Variants in PDE10A observed in about 807,000 individuals in gnomAD.
The protein encoded by PDE10A is phosphodiesterase 10A, also known as cAMP and cAMP-inhibited cGMP 3',5'-cyclic phosphodiesterase 10A.
In PDE10A, 39 loss-of-function variants were observed where a neutral mutation model predicts 97.7. The ratio of observed to expected loss-of-function variants is 0.40; its 90% CI spans 0.31 to 0.52. PDE10A has a LOEUF of 0.52. Among genes scored for constraint, PDE10A ranks in the 20% least tolerant of loss-of-function variants. The pLI is 0.56. For missense variants in PDE10A, 731 were observed against 1,047.8 expected, an observed-to-expected ratio of 0.70 and a Z score of 4.17; for synonymous variants, 371 against 376.8, an observed-to-expected ratio of 0.98 and a Z score of 0.18.
At chr6:165,725,556 A>G (rs992651681) in intron 1 of PDE10A, among the ~76,000 whole-genome samples, 1 of 152,216 alleles carries the variant, frequency 6.6e-6, no homozygotes, top group Non-Finnish European at 1.5e-5. Flanking sequence ...TGCTTTAGCC[A>G]TCGGTTCCTG....
intron 1 of PDE10A, among the ~76,000 whole-genome samples, chr6:165,870,228 G>A (rs965511753): frequency 2.0e-5 from 3 of 152,046 alleles, no homozygotes; most frequent in Non-Finnish European, 4.4e-5. Context: ...TCCAGAATAT[G>A]TAAGGAACTC....
At chr6:165,879,761 C>T (rs1781428484) in intron 1 of PDE10A, among the ~76,000 whole-genome samples, 2 of 152,090 alleles carry the variant, frequency 1.3e-5, no homozygotes, top group Non-Finnish European at 2.9e-5. Flanking sequence ...TTATATTTAC[C>T]GTTTTATTTA....
chr6:165,757,378 G>GT (rs555386659), intron 1 of PDE10A, among the ~76,000 whole-genome samples: 91 of 150,946 alleles, frequency 6.0e-4, no homozygotes, highest in African/African-American at 1.3e-3. Context: ...ATGAACACTG[G>GT]TTTTTTTTTA....
chr6:165,559,799 T>A (rs987224039), intron 1 of PDE10A, among the ~76,000 whole-genome samples: 1 of 152,204 alleles, frequency 6.6e-6, no homozygotes, highest in Non-Finnish European at 1.5e-5. Flanking sequence ...CTCGTGGTAG[T>A]GACTATGTCT....
chr6:165,885,399 C>G (rs576265008), intron 1 of PDE10A, among the ~76,000 whole-genome samples: 9 of 152,274 alleles, frequency 5.9e-5, no homozygotes, highest in Admixed American at 6.5e-5. Context: ...CGTGAGAACT[C>G]CTTCACTATC....
intron 1 of PDE10A, among the ~76,000 whole-genome samples, chr6:165,956,685 C>T (rs1462021184): frequency 1.3e-5 from 2 of 152,150 alleles, no homozygotes; most frequent in Non-Finnish European, 2.9e-5. Flanking sequence ...ATTTTAAAAG[C>T]ATAACTATTA....
chr6:165,428,353 C>T (rs1049380713), intron 10 of PDE10A, among the ~76,000 whole-genome samples: 2 of 152,040 alleles, frequency 1.3e-5, no homozygotes, highest in East Asian at 1.9e-4. Context: ...AAAAATCAAT[C>T]GAGAATTCCC....
intron 3 of PDE10A, among the ~76,000 whole-genome samples, chr6:165,457,505 C>G (rs1259022666): frequency 6.6e-6 from 1 of 152,086 alleles, no homozygotes; most frequent in Non-Finnish European, 1.5e-5. Flanking sequence ...CTGTAGTGAT[C>G]TAATATTAAA....
At chr6:165,540,603 G>T (rs945313020) in intron 2 of PDE10A, among the ~76,000 whole-genome samples, 1 of 152,090 alleles carries the variant, frequency 6.6e-6, no homozygotes, top group Non-Finnish European at 1.5e-5. Context: ...GTGAAGCAAC[G>T]TGGAAGGAGA....
intron 1 of PDE10A, among the ~76,000 whole-genome samples, chr6:165,690,267 C>A (rs1024453849): frequency 2.9e-4 from 44 of 152,204 alleles, no homozygotes; most frequent in Admixed American, 2.9e-3. Flanking sequence ...AAGTTTGGAA[C>A]TCATCCCATG....
At chr6:165,684,802 T>C (rs926857553) in intron 1 of PDE10A, among the ~76,000 whole-genome samples, 1 of 152,372 alleles carries the variant, frequency 6.6e-6, no homozygotes, top group African/African-American at 2.4e-5. Flanking sequence ...AAGTTCCATA[T>C]AGTGTTTGAT....
At chr6:165,958,747 G>GAAAGAAAGAAAGAC (rs10654760) in intron 1 of PDE10A, among the ~76,000 whole-genome samples, 5 of 106,134 alleles carry the variant, frequency 4.7e-5, no homozygotes, top group African/African-American at 1.7e-4. Context: ...AAGAAAGAAA[G>GAAAGAAAGAAAGAC]AGAAAGAAAG....
At chr6:165,345,416 G>A (rs1782241265) in intron 18 of PDE10A, among the ~76,000 whole-genome samples, 1 of 152,140 alleles carries the variant, frequency 6.6e-6, no homozygotes, top group South Asian at 2.1e-4. Flanking sequence ...GTAAATGTAA[G>A]TACTCATTTT....
At chr6:165,969,711 A>G (rs1006326839) in intron 1 of PDE10A, among the ~76,000 whole-genome samples, 30 of 152,212 alleles carry the variant, frequency 2.0e-4, no homozygotes, top group African/African-American at 6.5e-4. Context: ...ATCGAGATAG[A>G]AATGTATACA....
chr6:165,712,129 C>T (rs966717243), intron 1 of PDE10A, among the ~76,000 whole-genome samples: 3 of 151,988 alleles, frequency 2.0e-5, no homozygotes, highest in Admixed American at 6.6e-5. Context: ...TGGGCTCCAC[C>T]GTAGTGGTGT....
intron 3 of PDE10A, among the ~76,000 whole-genome samples, chr6:165,459,840 A>G (rs1212983605): frequency 6.6e-6 from 1 of 152,206 alleles, no homozygotes; most frequent in Non-Finnish European, 1.5e-5. Context: ...GCTTGCTTTA[A>G]CTGTGGGAAG....
At chr6:165,952,299 T>C (rs144121130) in intron 1 of PDE10A, among the ~76,000 whole-genome samples, 1 of 152,330 alleles carries the variant, frequency 6.6e-6, no homozygotes, top group African/African-American at 2.4e-5. Context: ...AGCCCACATG[T>C]CTCACGGAGC....
chr6:165,619,476 A>AGTGCAGTG (rs1300261842), intron 1 of PDE10A, among the ~76,000 whole-genome samples: 1 of 142,640 alleles, frequency 7.0e-6, no homozygotes, highest in African/African-American at 2.7e-5. Context: ...AGTGTAGTGT[A>AGTGCAGTG]GTCTAGTGTA....
At chr6:165,656,640 C>A (rs1456266041) in intron 1 of PDE10A, among the ~76,000 whole-genome samples, 1 of 152,192 alleles carries the variant, frequency 6.6e-6, no homozygotes, top group African/African-American at 2.4e-5. Context: ...CCCGGGTCCC[C>A]AACCTACCAC....
Sources: gnomAD v4.1 joint callset for allele counts (sites outside exome capture counted in the v4.1 genomes callset) on GRCh38, gnomAD v4.1.1 for gene constraint, MANE v1.5 for transcripts, NCBI Gene and HGNC (gene_info 2026-07-23, HGNC 2026-07-21) for gene names.